PDE10A: variants seen among roughly 807,000 people sequenced by gnomAD.
PDE10A encodes phosphodiesterase 10A.
Under a neutral mutation model 97.7 loss-of-function variants are expected in PDE10A, and 39 were observed. The observed-to-expected ratio is 0.40, with a 90% CI of 0.31 to 0.52. PDE10A has a LOEUF of 0.52. PDE10A is among the 20% of genes least tolerant of loss of function. PDE10A has a pLI of 0.56. For synonymous variants in PDE10A, 371 were observed against 376.8 expected, an observed-to-expected ratio of 0.98 and a Z score of 0.18; for missense variants, 731 against 1,047.8, an observed-to-expected ratio of 0.70 and a Z score of 4.17.
intron 1 of PDE10A, among the ~76,000 whole-genome samples, chr6:165,923,016 C>T (rs1410771999): frequency 1.3e-5 from 2 of 152,158 alleles, no homozygotes; most frequent in South Asian, 4.1e-4. Context: ...TTCCAGACAA[C>T]AAAATAGGAA....
At chr6:165,762,144 G>GC (rs140620969) in intron 1 of PDE10A, among the ~76,000 whole-genome samples, 11,633 of 152,216 alleles carry the variant, frequency 0.076, 504 homozygotes, top group African/African-American at 0.12. Context: ...AGTCATGATT[G>GC]CCTATCCAGC....
At chr6:165,791,910 C>T (rs537717060) in intron 1 of PDE10A, among the ~76,000 whole-genome samples, 7 of 152,324 alleles carry the variant, frequency 4.6e-5, no homozygotes, top group Non-Finnish European at 8.8e-5. Context: ...TGTCTACTTG[C>T]CTTGGGGTCC....
intron 1 of PDE10A, among the ~76,000 whole-genome samples, chr6:165,558,600 T>C (rs759608932): frequency 1.3e-5 from 2 of 152,184 alleles, no homozygotes; most frequent in Non-Finnish European, 2.9e-5. Context: ...TTAAAAATGT[T>C]TGATTATCAA....
At chr6:165,610,241 A>C (rs1787425464) in intron 1 of PDE10A, among the ~76,000 whole-genome samples, 1 of 152,236 alleles carries the variant, frequency 6.6e-6, no homozygotes, top group Non-Finnish European at 1.5e-5. Flanking sequence ...CAAACCTGAC[A>C]AAAACAAGAA....
chr6:165,864,813 A>G (rs13216112), intron 1 of PDE10A, among the ~76,000 whole-genome samples: 2 of 152,372 alleles, frequency 1.3e-5, no homozygotes, highest in African/African-American at 4.8e-5. Flanking sequence ...GTGACCATGA[A>G]AAACATCAAA....
chr6:165,933,716 T>G (rs1351328346), intron 1 of PDE10A, among the ~76,000 whole-genome samples: 6 of 152,194 alleles, frequency 3.9e-5, no homozygotes, highest in African/African-American at 9.7e-5. Context: ...CATCTTTTGG[T>G]ACAGGATTTT....
At chr6:165,511,217 T>C (rs1435523818) in intron 2 of PDE10A, among the ~76,000 whole-genome samples, 1 of 152,002 alleles carries the variant, frequency 6.6e-6, no homozygotes, top group African/African-American at 2.4e-5. Flanking sequence ...TTTTGGTATG[T>C]TGTATTTCCG....
chr6:165,844,939 G>C (rs945125123), intron 1 of PDE10A, among the ~76,000 whole-genome samples: 6 of 152,162 alleles, frequency 3.9e-5, no homozygotes. Context: ...TTAACCCTTG[G>C]ACACACTTTT....
intron 1 of PDE10A, among the ~76,000 whole-genome samples, chr6:165,882,061 G>A (rs948005349): frequency 6.6e-6 from 1 of 152,168 alleles, no homozygotes; most frequent in Non-Finnish European, 1.5e-5. Context: ...CACCAGTCAC[G>A]TAGAAATCAG....
At chr6:165,390,013 G>C (rs183422937) in intron 16 of PDE10A, among the ~76,000 whole-genome samples, 3 of 152,232 alleles carry the variant, frequency 2.0e-5, no homozygotes, top group Non-Finnish European at 2.9e-5. Flanking sequence ...TGAAAAGACT[G>C]AAGTGTTTAA....
intron 1 of PDE10A, among the ~76,000 whole-genome samples, chr6:165,633,080 AAAAAAAAAAAAG>A (rs947772330): frequency 3.2e-4 from 11 of 34,198 alleles, no homozygotes; most frequent in Non-Finnish European, 5.6e-4. Flanking sequence ...TCACCGTGTC[AAAAAAAAAAAAG>A]AAAAGAAAAA....
chr6:165,335,536 G>A (rs1781593200), intron 21 of PDE10A, among the ~76,000 whole-genome samples: 1 of 152,084 alleles, frequency 6.6e-6, no homozygotes, highest in Admixed American at 6.5e-5. Flanking sequence ...AGTCATGAGA[G>A]CCAGGGGCCC....
chr6:165,712,832 G>A (rs528808776), intron 1 of PDE10A, among the ~76,000 whole-genome samples: 50 of 152,050 alleles, frequency 3.3e-4, no homozygotes, highest in African/African-American at 1.1e-3. Flanking sequence ...AGTAGAGACG[G>A]AGCTTCACCG....
intron 1 of PDE10A, among the ~76,000 whole-genome samples, chr6:165,784,222 CAA>C (rs796915265): frequency 7.7e-5 from 9 of 116,614 alleles, no homozygotes; most frequent in Non-Finnish European, 1.1e-4. Flanking sequence ...GACTCCATCT[CAA>C]AAAAAAAAAA....
chr6:165,480,089 T>C (rs557982123), intron 3 of PDE10A, among the ~76,000 whole-genome samples: 1 of 152,328 alleles, frequency 6.6e-6, no homozygotes, highest in South Asian at 2.1e-4. Flanking sequence ...TAATAATATA[T>C]AGTTTGTCCA....
chr6:165,515,128 T>C (rs935577932), intron 2 of PDE10A, among the ~76,000 whole-genome samples: 2 of 152,236 alleles, frequency 1.3e-5, no homozygotes, highest in Non-Finnish European at 2.9e-5. Flanking sequence ...GTCTTACTTA[T>C]ATTCTCTCAG....
At chr6:165,345,279 C>T (rs540569325) in intron 18 of PDE10A, among the ~76,000 whole-genome samples, 4 of 152,050 alleles carry the variant, frequency 2.6e-5, no homozygotes, top group Non-Finnish European at 4.4e-5. Flanking sequence ...AAATTATTCC[C>T]AACATAAAGT....
intron 1 of PDE10A, chr6:165,545,061 A>T: frequency 1.4e-5 from 6 of 441,646 alleles, no homozygotes; most frequent in South Asian, 1.1e-4. Flanking sequence ...CTGATAGCAT[A>T]CTTGACCTTT....
At chr6:165,627,178 T>C (rs896126650) in intron 1 of PDE10A, among the ~76,000 whole-genome samples, 2 of 152,220 alleles carry the variant, frequency 1.3e-5, no homozygotes, top group African/African-American at 2.4e-5. Flanking sequence ...GCTTTATTGC[T>C]TTTATACAAA....
Sources: allele counts gnomAD v4.1 joint callset (sites outside exome capture counted in the v4.1 genomes callset), GRCh38; gene constraint gnomAD v4.1.1; transcripts MANE v1.5; gene names NCBI Gene and HGNC (gene_info 2026-07-23, HGNC 2026-07-21).